CEP85L: variants seen among roughly 807,000 people sequenced by gnomAD.
CEP85L encodes the protein centrosomal protein of 85 kDa-like.
A neutral mutation model predicts 100.3 loss-of-function variants in CEP85L; 60 were observed. The ratio of observed to expected loss-of-function variants is 0.60; its 90% CI spans 0.49 to 0.74. The LOEUF (loss-of-function observed/expected upper bound fraction) is 0.74, where lower values mean the gene tolerates loss of function less well. Ranked by LOEUF, CEP85L falls within the 30% of genes least tolerant of loss-of-function variation. CEP85L has a pLI of 0.00. For synonymous variants in CEP85L, 319 were observed against 322.7 expected, an observed-to-expected ratio of 0.99 and a Z score of 0.12; for missense variants, 973 against 936.2, an observed-to-expected ratio of 1.04 and a Z score of -0.51.
chr6:118,495,546 A>G (rs140665992), intron 5 of CEP85L, among the ~76,000 whole-genome samples: 10 of 152,140 alleles, frequency 6.6e-5, no homozygotes, highest in Non-Finnish European at 1.3e-4. Context: ...CCATGAATTT[A>G]AATTTCCTGA....
intron 1 of CEP85L, among the ~76,000 whole-genome samples, chr6:118,705,960 G>A (rs564101613): frequency 2.0e-5 from 3 of 152,098 alleles, no homozygotes; most frequent in African/African-American, 7.2e-5. Context: ...TGCTAAGCCC[G>A]CCCCCACATT....
chr6:118,477,091 T>C (rs751443642), intron 10 of CEP85L, among the ~76,000 whole-genome samples: 20 of 152,284 alleles, frequency 1.3e-4, no homozygotes, highest in Non-Finnish European at 2.9e-4. Flanking sequence ...TTATATACTG[T>C]ATAATGACAG....
chr6:118,596,786 T>A (rs1357693473), intron 2 of CEP85L, among the ~76,000 whole-genome samples: 1 of 152,226 alleles, frequency 6.6e-6, no homozygotes, highest in South Asian at 2.1e-4. Flanking sequence ...CGATTTCCTG[T>A]TATTTATTGT....
At chr6:118,520,056 C>A (rs895269094) in intron 4 of CEP85L, among the ~76,000 whole-genome samples, 1 of 152,110 alleles carries the variant, frequency 6.6e-6, no homozygotes, top group Non-Finnish European at 1.5e-5. Flanking sequence ...TTTCCACAAT[C>A]TAAAAAAGGC....
intron 10 of CEP85L, among the ~76,000 whole-genome samples, chr6:118,473,610 G>C (rs538131479): frequency 6.6e-6 from 1 of 152,168 alleles, no homozygotes; most frequent in Non-Finnish European, 1.5e-5. Context: ...GCAGAGACAT[G>C]ATGTAATCTG....
chr6:118,533,306 A>G (rs759860218), intron 3 of CEP85L, among the ~76,000 whole-genome samples: 8 of 152,194 alleles, frequency 5.3e-5, no homozygotes, highest in Non-Finnish European at 8.8e-5. Flanking sequence ...AGACCATCAG[A>G]CATTAAAAAG....
chr6:118,513,249 A>G (rs1024160740), intron 4 of CEP85L, among the ~76,000 whole-genome samples: 2 of 152,148 alleles, frequency 1.3e-5, no homozygotes, highest in African/African-American at 4.8e-5. Context: ...AAGAGGAGGT[A>G]AGAAGGTGGC....
intron 4 of CEP85L, among the ~76,000 whole-genome samples, chr6:118,517,679 G>C (rs1178479612): frequency 6.6e-6 from 1 of 152,192 alleles, no homozygotes; most frequent in African/African-American, 2.4e-5. Context: ...CATGTCATCT[G>C]CAAACAGAGA....
At chr6:118,634,931 C>T (rs1774399892) in intron 1 of CEP85L, among the ~76,000 whole-genome samples, 1 of 152,012 alleles carries the variant, frequency 6.6e-6, no homozygotes, top group African/African-American at 2.4e-5. Context: ...TGCCAAATCT[C>T]ACTAATGGTG....
chr6:118,528,275 G>A (rs1304108061), intron 3 of CEP85L, among the ~76,000 whole-genome samples: 1 of 150,856 alleles, frequency 6.6e-6, no homozygotes, highest in African/African-American at 2.4e-5. Context: ...GGAACAACTA[G>A]GCATAAAGAG....
chr6:118,553,516 A>G (rs190806853), intron 3 of CEP85L, among the ~76,000 whole-genome samples: 1 of 152,200 alleles, frequency 6.6e-6, no homozygotes, highest in Non-Finnish European at 1.5e-5. Context: ...AATTAAATGT[A>G]TATCATTAAC....
rs142906484 is a variant in CEP85L, at chr6:118,667,209, C to T, written c.-27-14401G>A. On this transcript the variant is annotated intron_variant, in intron 1 of 13. Transcript: ENST00000368488. ...GTGCTGAGATTCTAGATTTCGTGGC[C>T]CAGTTCTTTAGAGAAAAAAATTACT... 4.8e-3 allele frequency among the ~76,000 whole-genome samples: 732 copies of T among 152,142 alleles called. 6 individuals carry two copies. Among genetic ancestry groups the T allele is most frequent in the African/African-American group, 0.017 (705 of 41,492 alleles).
chr6:118,465,739 C>A (rs1772468798), intron 12 of CEP85L, among the ~76,000 whole-genome samples, 171 bp from the exon 13 acceptor site: 1 of 152,240 alleles, frequency 6.6e-6, no homozygotes, highest in Non-Finnish European at 1.5e-5. Context: ...CAGATCTTAT[C>A]CACTTGGTCC....
chr6:118,585,165 T>G (rs924583335), intron 2 of CEP85L, among the ~76,000 whole-genome samples: 2 of 152,208 alleles, frequency 1.3e-5, no homozygotes, highest in African/African-American at 2.4e-5. Flanking sequence ...CTCAATTAGC[T>G]GAGCTAATCG....
At chr6:118,550,184 C>T (rs1778459749) in intron 3 of CEP85L, among the ~76,000 whole-genome samples, 1 of 151,792 alleles carries the variant, frequency 6.6e-6, no homozygotes, top group South Asian at 2.1e-4. Flanking sequence ...TCCTAAAACT[C>T]AAATATCAAA....
chr6:118,674,974 G>T (rs1776433870), intron 1 of CEP85L, among the ~76,000 whole-genome samples: 1 of 152,102 alleles, frequency 6.6e-6, no homozygotes, highest in African/African-American at 2.4e-5. Context: ...TTACCCAAGA[G>T]AAATAACATG....
At chr6:118,699,495 G>A (rs956935233) in intron 1 of CEP85L, among the ~76,000 whole-genome samples, 7 of 150,132 alleles carry the variant, frequency 4.7e-5, no homozygotes, top group African/African-American at 1.5e-4. Flanking sequence ...CTGAGTTAAC[G>A]AACACAACAC....
chr6:118,469,280 T>C lies in CEP85L; in HGVS notation c.2046A>G (p.Thr682=), dbSNP rs1404591155. Residue 682 remains threonine, a synonymous_variant, in exon 12 of 13, where the codon ACA becomes ACG. Transcript: ENST00000368491. ...CCTGGCCCTGATCCAATAAAGAGCA[T>C]GTCTCATCTGTTTGTCTTTGGTTCT... The part of the protein sequence containing the change: ...LLENQRQTDE[T]CSLLDQGQEP... 1 of 1,613,696 alleles carries C rather than the reference T, an allele frequency of 6.2e-7. No individual in the cohort carries two copies. Among genetic ancestry groups the C allele is most frequent in the Non-Finnish European group, 8.5e-7 (1 of 1,179,734 alleles).
intron 5 of CEP85L, among the ~76,000 whole-genome samples, chr6:118,503,968 C>CA (rs1170930366): frequency 6.6e-6 from 1 of 151,940 alleles, no homozygotes; most frequent in Non-Finnish European, 1.5e-5. Context: ...TTTTTCCCTC[C>CA]AAAAAACAAT....
Sources: gnomAD v4.1 joint callset for allele counts (sites outside exome capture counted in the v4.1 genomes callset) on GRCh38, gnomAD v4.1.1 for gene constraint, MANE v1.5 for transcripts, NCBI Gene and HGNC (gene_info 2026-07-23, HGNC 2026-07-21) for gene names.